The following GAB2 variants were observed in gnomAD, a reference collection of about 807,000 sequenced individuals.
GAB2 encodes the protein GRB2-associated-binding protein 2.
A neutral mutation model predicts 65.5 loss-of-function variants in GAB2; 26 were observed. The ratio of observed to expected loss-of-function variants is 0.40; its 90% CI spans 0.29 to 0.55. The LOEUF is 0.55. Among genes scored for constraint, GAB2 ranks in the 20% least tolerant of loss-of-function variants. The probability of loss-of-function intolerance (pLI) is 0.53; values close to 1 mark genes in which losing one functional copy is unlikely to be tolerated. For missense variants in GAB2, 884 were observed against 875.8 expected, an observed-to-expected ratio of 1.01 and a Z score of -0.12; for synonymous variants, 321 against 329.6, an observed-to-expected ratio of 0.97 and a Z score of 0.28.
intron 1 of GAB2, among the ~76,000 whole-genome samples, chr11:78,331,660 C>T (rs376049339): frequency 6.6e-6 from 1 of 152,254 alleles, no homozygotes; most frequent in African/African-American, 2.4e-5. Context: ...CACAGAAAAC[C>T]TCTTTCTCTA....
rs1469032752 is a variant in GAB2, at chr11:78,226,780, G to T, written c.892C>A (p.Pro298Thr). The change falls in exon 4 of 10, where the codon CCC becomes ACC. Residue 298 changes from proline to threonine, a missense_variant. Coordinates refer to ENST00000361507, the MANE Select transcript of GAB2 (RefSeq NM_080491.3). ...AACTCCCTGCACAGGGTGTTGCTGG[G>T]CGTCTTGAAGGTGTACACATCCTCA... ...DNEDVYTFKT[P>T]SNTLCREFGD... 2 of 1,614,138 alleles carry T rather than the reference G, an allele frequency of 1.2e-6. No individual in the cohort carries two copies. Among genetic ancestry groups the T allele is most frequent in the Non-Finnish European group, 1.7e-6 (2 of 1,179,984 alleles).
intron 1 of GAB2, among the ~76,000 whole-genome samples, chr11:78,285,657 G>C (rs1319913790): frequency 6.6e-6 from 1 of 152,136 alleles, no homozygotes; most frequent in Non-Finnish European, 1.5e-5. Flanking sequence ...AGTAGAGACG[G>C]GGTTTCACCA....
At chr11:78,263,558 A>G (rs775320198) in intron 2 of GAB2, among the ~76,000 whole-genome samples, 1 of 151,050 alleles carries the variant, frequency 6.6e-6, no homozygotes, top group Non-Finnish European at 1.5e-5. Context: ...GCTTGAACCC[A>G]GGAGGCAGAG....
intron 1 of GAB2, among the ~76,000 whole-genome samples, chr11:78,346,721 A>ATATATATATATATATATATAT: frequency 2.9e-5 from 1 of 34,600 alleles, no homozygotes; most frequent in Admixed American, 3.4e-4. Flanking sequence ...ATATATATAT[A>ATATATATATATATATATATAT]ATTTTTTTTT....
chr11:78,369,140 T>C (rs1429553022), intron 1 of GAB2, among the ~76,000 whole-genome samples: 3 of 116,430 alleles, frequency 2.6e-5, no homozygotes, highest in Non-Finnish European at 5.1e-5. Flanking sequence ...AGACCCTGTC[T>C]CAAAAAAAAA....
At chr11:78,351,528 A>G (rs1856277937) in intron 1 of GAB2, among the ~76,000 whole-genome samples, 1 of 152,128 alleles carries the variant, frequency 6.6e-6, no homozygotes, top group East Asian at 1.9e-4. Context: ...CATGCCCTTC[A>G]TTTGATTCAG....
chr11:78,414,200 T>G (rs10899500), intron 1 of GAB2, among the ~76,000 whole-genome samples: 1 of 152,130 alleles, frequency 6.6e-6, no homozygotes, highest in Non-Finnish European at 1.5e-5. Flanking sequence ...TCATTTCAAT[T>G]TTCCTTTGAA....
intron 1 of GAB2, among the ~76,000 whole-genome samples, chr11:78,383,081 T>C (rs1368211903): frequency 3.3e-5 from 5 of 152,118 alleles, no homozygotes; most frequent in Admixed American, 6.5e-5. Flanking sequence ...AAGACGAGCC[T>C]GACCAACATG....
At chr11:78,242,682 T>G (rs1443803507) in intron 3 of GAB2, among the ~76,000 whole-genome samples, 2 of 151,766 alleles carry the variant, frequency 1.3e-5, no homozygotes, top group African/African-American at 4.8e-5. Context: ...TAATGATGCA[T>G]CTCAAGGAAG....
chr11:78,283,525 T>G (rs114733257), intron 1 of GAB2, among the ~76,000 whole-genome samples: 1 of 152,162 alleles, frequency 6.6e-6, no homozygotes, highest in East Asian at 1.9e-4. Flanking sequence ...TCAAAGAGTA[T>G]TATATACTAC....
intron 1 of GAB2, among the ~76,000 whole-genome samples, chr11:78,396,727 A>G (rs984032635): frequency 6.6e-6 from 1 of 152,142 alleles, no homozygotes; most frequent in African/African-American, 2.4e-5. Context: ...CCACCCGAGC[A>G]GCTGAGATTA....
At chr11:78,407,633 C>CAAAAAAAGAAAGAAAGAAAG (rs1555001651) in intron 1 of GAB2, among the ~76,000 whole-genome samples, 17 of 93,300 alleles carry the variant, frequency 1.8e-4, no homozygotes, top group African/African-American at 6.0e-4. Context: ...AACTCCTTCT[C>CAAAAAAAGAAAGAAAGAAAG]AAAGAAAGAA....
chr11:78,252,938 G>A lies in GAB2; in HGVS notation c.377-2538C>T, dbSNP rs183428781. On this transcript the variant is annotated intron_variant, in intron 2 of 9. Coordinates refer to ENST00000361507, the MANE Select transcript of GAB2 (RefSeq NM_080491.3). ...TTCTGTTTCTCAGCAACCATGTCAC[G>A]TCATTATGTCACCGTCCCTCTTAAA... 3.8e-4 allele frequency among the ~76,000 whole-genome samples: 57 copies of A among 149,488 alleles called. 1 individual carries two copies. In the East Asian group the frequency reaches 9.3e-3, roughly 24 times the overall value.
chr11:78,259,925 G>A (rs570501412), intron 2 of GAB2, among the ~76,000 whole-genome samples: 2 of 152,294 alleles, frequency 1.3e-5, no homozygotes, highest in African/African-American at 4.8e-5. Flanking sequence ...TGGGCCTGGG[G>A]GCAGGAGCAA....
intron 1 of GAB2, among the ~76,000 whole-genome samples, chr11:78,285,867 AC>A (rs1866465956): frequency 6.6e-6 from 1 of 152,094 alleles, no homozygotes. Flanking sequence ...TCTGAAGTGG[AC>A]CTCTATTTCC....
intron 1 of GAB2, among the ~76,000 whole-genome samples, chr11:78,372,999 A>G (rs1856591017): frequency 6.6e-6 from 1 of 152,072 alleles, no homozygotes; most frequent in African/African-American, 2.4e-5. Flanking sequence ...GAATCCTTCC[A>G]CCCTAGAAAG....
At chr11:78,361,074 C>T (rs1477118082) in intron 1 of GAB2, among the ~76,000 whole-genome samples, 1 of 152,050 alleles carries the variant, frequency 6.6e-6, no homozygotes, top group Non-Finnish European at 1.5e-5. Flanking sequence ...AGTGAGTTCA[C>T]AAATGGTTAC....
chr11:78,355,680 TAAAAAAAAAAA>T (rs67850407), intron 1 of GAB2, among the ~76,000 whole-genome samples: 1 of 79,142 alleles, frequency 1.3e-5, no homozygotes, highest in Non-Finnish European at 2.1e-5. Context: ...CTGTCTCACT[TAAAAAAAAAAA>T]AAAAAAAAAA....
At chr11:78,243,092 G>A (rs912682623) in intron 3 of GAB2, among the ~76,000 whole-genome samples, 1 of 151,906 alleles carries the variant, frequency 6.6e-6, no homozygotes, top group Non-Finnish European at 1.5e-5. Flanking sequence ...AACCTGGGAG[G>A]CGGAGGTTGC....
Sources: allele counts gnomAD v4.1 joint callset (sites outside exome capture counted in the v4.1 genomes callset), GRCh38; gene constraint gnomAD v4.1.1; transcripts MANE v1.5; gene names NCBI Gene and HGNC (gene_info 2026-07-23, HGNC 2026-07-21).